MADD: variants seen among roughly 807,000 people sequenced by gnomAD.
The protein encoded by MADD is MAP kinase-activating death domain protein.
In MADD, 109 loss-of-function variants were observed where a neutral mutation model predicts 176.7. That is an observed-to-expected ratio of 0.62 (90% CI 0.53 to 0.72). MADD has a LOEUF of 0.72. MADD is among the 30% of genes least tolerant of loss of function. The pLI is 0.00. For synonymous variants in MADD, 771 were observed against 771.3 expected (o/e 1.00, Z 0.01); for missense variants, 1,914 against 2,045.5 (o/e 0.94, Z 1.24).
At chr11:47,288,746 C>T (rs566077027) in intron 15 of MADD, among the ~76,000 whole-genome samples, 3 of 152,144 alleles carry the variant, frequency 2.0e-5, no homozygotes, top group Admixed American at 1.3e-4. Flanking sequence ...GTCATTTACC[C>T]GCCCCTGGCT....
chr11:47,281,538 C>T (rs202098063), intron 7 of MADD, 37 bp from the exon 8 acceptor site: 117 of 1,540,964 alleles, frequency 7.6e-5, no homozygotes, highest in African/African-American at 1.8e-4. Context: ...TGCCCAGGGA[C>T]GTTCCTTGTG....
chr11:47,326,920 A>G, intron 31 of MADD, 113 bp downstream of exon 35: 1 of 1,499,240 alleles, frequency 6.7e-7, no homozygotes, highest in South Asian at 1.4e-5. Flanking sequence ...TAGAGAAGTC[A>G]GGAGGAGCAG....
chr11:47,284,908 A>G (rs748321492), intron 12 of MADD, 33 bp from the exon 13 acceptor site: 7 of 1,610,578 alleles, frequency 4.3e-6, no homozygotes, highest in South Asian at 2.2e-5. Context: ...ATTGGGCACC[A>G]GGTAACCACT....
At chr11:47,313,790 C>T (rs7940809) in intron 26 of MADD, among the ~76,000 whole-genome samples, 59,160 of 151,566 alleles carry the variant, frequency 0.39, 12,388 homozygotes, top group East Asian at 0.69. Context: ...GACGGAGTCT[C>T]ACTCTGTCAC....
At chr11:47,274,101 G>A in intron 2 of MADD, 125 bp downstream of exon 2, 1 of 916,932 alleles carries the variant, frequency 1.1e-6, no homozygotes, top group Non-Finnish European at 1.7e-6. Context: ...TTACCCTGAT[G>A]GGAGCATCGA....
intron 27 of MADD, among the ~76,000 whole-genome samples, chr11:47,316,519 G>A (rs562341898): frequency 2.6e-4 from 40 of 151,058 alleles, no homozygotes; most frequent in African/African-American, 9.2e-4. Context: ...CTCCCAAGTA[G>A]CTGGGATTAC....
At chr11:47,273,637 A>G (rs1004450204) in intron 1 of MADD, among the ~76,000 whole-genome samples, 190 bp from the exon 2 acceptor site, 3 of 32,334 alleles carry the variant, frequency 9.3e-5, no homozygotes, top group South Asian at 9.4e-4. Context: ...TGCCTGGCCT[A>G]TCTATTTTTT....
intron 22 of MADD, among the ~76,000 whole-genome samples, chr11:47,303,796 T>G (rs1308172269): frequency 4.0e-5 from 6 of 151,176 alleles, no homozygotes; most frequent in East Asian, 2.0e-4. Context: ...TTAGTAGAGA[T>G]AGGATTTCAC....
chr11:47,271,452 G>A (rs73450117), intron 1 of MADD, among the ~76,000 whole-genome samples: 2,477 of 149,916 alleles, frequency 0.017, 78 homozygotes, highest in African/African-American at 0.057. Context: ...AAGATCTCAG[G>A]GTCCTTGTGG....
chr11:47,329,341 C>T (rs926615301), exon 33 of MADD: 3 of 591,826 alleles, frequency 5.1e-6, no homozygotes, highest in Non-Finnish European at 9.1e-6. Context: ...CACCTTCTCC[C>T]TCTCCACTCC....
At chr11:47,284,517 C>T in exon 12 of MADD, 1 of 1,614,116 alleles carries the variant, frequency 6.2e-7, no homozygotes, top group Non-Finnish European at 8.5e-7. Context: ...CCAGCTCTAG[C>T]ACCACAGCCA....
At chr11:47,285,719 C>G in intron 14 of MADD, 129 bp downstream of exon 14, 1 of 1,280,656 alleles carries the variant, frequency 7.8e-7, no homozygotes, top group East Asian at 2.3e-5. Flanking sequence ...CTAATCCAGT[C>G]ATTTGGGTGA....
At chr11:47,282,607 A>T in exon 9 of MADD, 1 of 1,614,096 alleles carries the variant, frequency 6.2e-7, no homozygotes, top group Non-Finnish European at 8.5e-7. Context: ...CTTTCAGCGA[A>T]TTCACAACAG....
intron 27 of MADD, among the ~76,000 whole-genome samples, chr11:47,321,636 C>A (rs969501112): frequency 7.2e-5 from 11 of 152,164 alleles, no homozygotes; most frequent in African/African-American, 2.7e-4. Flanking sequence ...GAGCTGTGGA[C>A]AACTCCTTTG....
chr11:47,314,631 C>T (rs535365125), intron 26 of MADD, among the ~76,000 whole-genome samples: 297 of 152,184 alleles, frequency 2.0e-3, no homozygotes, highest in South Asian at 0.012. Flanking sequence ...CTTCTGCTTC[C>T]CAAGTTCTGG....
intron 22 of MADD, among the ~76,000 whole-genome samples, chr11:47,306,217 C>T (rs2082505966): frequency 6.6e-6 from 1 of 152,158 alleles, no homozygotes; most frequent in African/African-American, 2.4e-5. Flanking sequence ...GCTCTGCCTC[C>T]ACTTGGCCCC....
chr11:47,309,838 CTTTT>C (rs60488949), intron 25 of MADD, among the ~76,000 whole-genome samples: 2 of 143,714 alleles, frequency 1.4e-5, no homozygotes, highest in Non-Finnish European at 3.1e-5. Flanking sequence ...TGATGATTCT[CTTTT>C]TTTTTTTTTT....
intron 22 of MADD, among the ~76,000 whole-genome samples, chr11:47,308,244 G>A (rs2140700223): frequency 6.6e-6 from 1 of 152,322 alleles, no homozygotes; most frequent in Non-Finnish European, 1.5e-5. Context: ...GCTAATAAGA[G>A]GCACGGATCT....
At chr11:47,323,549 T>TAAGGCGGGAAACCAC in intron 27 of MADD, 122 bp from the exon 31 acceptor site, 1 of 921,092 alleles carries the variant, frequency 1.1e-6, no homozygotes, top group South Asian at 1.7e-5. Flanking sequence ...AGGGAAACCA[T>TAAGGCGGGAAACCAC]GAGCGTAAGG....
Sources: gnomAD v4.1 joint callset for allele counts (sites outside exome capture counted in the v4.1 genomes callset) on GRCh38, gnomAD v4.1.1 for gene constraint, MANE v1.5 for transcripts, NCBI Gene and HGNC (gene_info 2026-07-23, HGNC 2026-07-21) for gene names.